The following PCDHGA3 variants were observed in gnomAD, a reference collection of about 807,000 sequenced individuals.
PCDHGA3 encodes protocadherin gamma subfamily A, 3.
Under a neutral mutation model 58.5 loss-of-function variants are expected in PCDHGA3, and 40 were observed. The observed-to-expected ratio is 0.68, with a 90% confidence interval of 0.53 to 0.89. The LOEUF (loss-of-function observed/expected upper bound fraction) is 0.89, where lower values mean the gene tolerates loss of function less well. Ranked by LOEUF, PCDHGA3 falls within the 40% of genes least tolerant of loss-of-function variation. PCDHGA3 has a pLI of 0.00. For missense variants in PCDHGA3, 1,223 were observed against 1,195.9 expected (o/e 1.02, Z -0.33); for synonymous variants, 530 against 525.7 (o/e 1.01, Z -0.11).
chr5:141,380,978 A>C (rs1244318995), intron 1 of PCDHGA3, among the ~76,000 whole-genome samples: 1 of 152,254 alleles, frequency 6.6e-6, no homozygotes, highest in Non-Finnish European at 1.5e-5. Context: ...AAACAAATAG[A>C]ATTTAACTCC....
At chr5:141,466,180 A>AT (rs922532578) in intron 1 of PCDHGA3, among the ~76,000 whole-genome samples, 11 of 151,256 alleles carry the variant, frequency 7.3e-5, no homozygotes, top group South Asian at 2.1e-4. Context: ...TTTTATTTTT[A>AT]TTTTTTTTCA....
Position 141,477,797 on chromosome 5 carries a change from A to G in PCDHGA3, c.2425-17010A>G. ...CGTGAACATATTTGTCACTGATCGC[A>G]ATGACAATGCCCCCCAGGTCCTATA... On this transcript the variant is annotated intron_variant, in intron 1 of 3. Coordinates refer to ENST00000253812, the MANE Select transcript of PCDHGA3 (RefSeq NM_018916.4). This position sits in a 1 kb window ranked among gnomAD's most constrained non-coding sequence, Gnocchi z 4.9. 1.2e-6 allele frequency: 2 copies of G among 1,614,082 alleles called. No individual in the cohort carries two copies. Among genetic ancestry groups the G allele is most frequent in the Non-Finnish European group, 1.7e-6 (2 of 1,180,032 alleles).
intron 1 of PCDHGA3, chr5:141,357,272 T>A (rs1760529630): frequency 6.2e-7 from 1 of 1,613,654 alleles, no homozygotes; most frequent in Admixed American, 1.7e-5. Context: ...GGCCTCACAC[T>A]CTATCTCGTG....
At chr5:141,403,645 A>G (rs2154534430) in intron 1 of PCDHGA3, 1 of 1,613,922 alleles carries the variant, frequency 6.2e-7, no homozygotes, top group South Asian at 1.1e-5. Flanking sequence ...TCCATGTGAC[A>G]GTGTTGGATA....
In PCDHGA3 at chr5:141,375,737, G is replaced by C. The variant is rs373966789; in HGVS notation, c.2424+29280G>C. 19 of 1,614,262 alleles carry C rather than the reference G, an allele frequency of 1.2e-5. No homozygotes were observed. In the African/African-American group the frequency reaches 2.0e-4, roughly 17 times the overall value. Reference sequence around the variant, plus strand: ...CAGCAACGTGTCACTGAGCCTGTTTGTGCTGGACCAGAATGACAATGCGCC... The same window carrying C: ...CAGCAACGTGTCACTGAGCCTGTTTCTGCTGGACCAGAATGACAATGCGCC... On this transcript the variant is annotated intron_variant, in intron 1 of 3. Coordinates refer to ENST00000253812, the MANE Select transcript of PCDHGA3 (RefSeq NM_018916.4).
Position 141,344,214 on chromosome 5 carries a change from G to C in PCDHGA3, c.181G>C (p.Glu61Gln), listed in dbSNP as rs774234664. Residue 61 changes from glutamate (E) to glutamine (Q), a missense_variant, in exon 1 of 4, where the codon GAG becomes CAG. This residue lies in a region of PCDHGA3 where 791 missense variants were observed against 708.5 expected (regional missense o/e 1.12). Coordinates refer to ENST00000253812, the MANE Select transcript of PCDHGA3 (RefSeq NM_018916.4). ...DLGLEPRELAERGVRIVSRGR... is the reference protein window; with the variant it reads ...DLGLEPRELAQRGVRIVSRGR... ...GGGGCTAGAGCCCCGGGAGCTGGCG[G>C]AGCGCGGAGTCCGCATCGTCTCCAG... The C allele has an allele frequency of 2.7e-5, 44 of 1,613,908 alleles. No homozygotes were observed. Among genetic ancestry groups the C allele is most frequent in the Middle Eastern group, 1.6e-4 (1 of 6,070 alleles).
chr5:141,372,048 G>C (rs1331862731), intron 1 of PCDHGA3: 1 of 1,613,392 alleles, frequency 6.2e-7, no homozygotes, highest in African/African-American at 1.3e-5. Flanking sequence ...GCGCGTGTTG[G>C]TGGACGACCG....
Position 141,345,405 on chromosome 5 carries a change from T to A in PCDHGA3, c.1372T>A (p.Ser458Thr). 1 of 1,613,986 alleles carries A rather than the reference T, an allele frequency of 6.2e-7. No homozygotes were observed. Among genetic ancestry groups the A allele is most frequent in the Non-Finnish European group, 8.5e-7 (1 of 1,179,990 alleles). Residue 458 changes from serine to threonine, a missense_variant, in exon 1 of 4, where the codon TCC becomes ACC. By Grantham distance (58) the Ser-to-Thr change is moderately conservative (BLOSUM62 1). Transcript: ENST00000253812. ...NPPTFPHLSY[S>T]AYIPENNPRG... Reference sequence around the variant, plus strand: ...ACCCACCTTCCCTCATTTATCCTACTCCGCCTACATTCCAGAAAACAACCC... The same window carrying A: ...ACCCACCTTCCCTCATTTATCCTACACCGCCTACATTCCAGAAAACAACCC...
At position 141,502,665 on chromosome 5, in the gene PCDHGA3, A is replaced by G. The variant is rs192555506; in HGVS notation, c.2484-2728A>G. The stretch of plus-strand genomic sequence containing the variant: ...GAGATAGGCAGCAACCCTTCATGCA[A>G]TTTTAGTATTCCCTGATGATCCTTG... On this transcript the variant is annotated intron_variant, in intron 2 of 3. Transcript: ENST00000253812. 3.7e-3 allele frequency among the ~76,000 whole-genome samples: 568 copies of G among 152,330 alleles called. 1 individual carries two copies. Among genetic ancestry groups the G allele is most frequent in the African/African-American group, 0.013 (544 of 41,584 alleles).
intron 1 of PCDHGA3, chr5:141,410,848 T>TA: frequency 1.9e-5 from 7 of 365,918 alleles, no homozygotes; most frequent in Non-Finnish European, 3.2e-5. Context: ...TTTGTCTTTG[T>TA]CTTTTTTTTT....
At position 141,491,660 on chromosome 5, in the gene PCDHGA3, C is replaced by A; in HGVS notation, c.2425-3147C>A. ...ACAGCTCTGGCGCTGGAGCCTGACGCCATCCGGTCCCGCTCTAATACGCTG... is the reference window on the plus strand; with the variant it reads ...ACAGCTCTGGCGCTGGAGCCTGACGACATCCGGTCCCGCTCTAATACGCTG... On this transcript the variant is annotated intron_variant, in intron 1 of 3. Transcript: ENST00000253812. The surrounding 1 kb of genome is among the most constrained non-coding windows in gnomAD (Gnocchi z 6.9). The A allele has an allele frequency of 6.2e-7, 1 of 1,613,810 alleles. No individual in the cohort carries two copies. The highest frequency in any genetic ancestry group is 8.5e-7 in the Non-Finnish European group (1 of 1,180,008).
intron 1 of PCDHGA3, chr5:141,404,928 C>G: frequency 2.5e-6 from 4 of 1,613,866 alleles, no homozygotes; most frequent in Non-Finnish European, 3.4e-6. Context: ...GCCACTGTCA[C>G]GCTCACAGTA....
At chr5:141,348,176 T>C (rs1489672747) in intron 1 of PCDHGA3, among the ~76,000 whole-genome samples, 1 of 152,218 alleles carries the variant, frequency 6.6e-6, no homozygotes, top group Non-Finnish European at 1.5e-5. Context: ...ATATGTTTTA[T>C]TAGAACTCAA....
intron 1 of PCDHGA3, chr5:141,378,729 T>A (rs769149282): frequency 6.6e-6 from 1 of 152,216 alleles, no homozygotes; most frequent in East Asian, 1.9e-4. Flanking sequence ...GAACTCTTTA[T>A]TGAAATATTT....
At chr5:141,498,980 GGAAGGAA>G in intron 2 of PCDHGA3, among the ~76,000 whole-genome samples, 1 of 44,970 alleles carries the variant, frequency 2.2e-5, no homozygotes, top group South Asian at 1.0e-3. Context: ...AGGGAAGGAA[GGAAGGAA>G]GGAAGGAAGG....
intron 1 of PCDHGA3, among the ~76,000 whole-genome samples, chr5:141,347,044 TC>T (rs1561493112): frequency 1.1e-4 from 17 of 150,478 alleles, no homozygotes; most frequent in Admixed American, 1.1e-3. Context: ...CCTTCCTCTC[TC>T]TCTTTCCTCC....
chr5:141,419,644 CG>C (rs1418985518), intron 1 of PCDHGA3: 2 of 1,612,396 alleles, frequency 1.2e-6, no homozygotes, highest in Non-Finnish European at 1.7e-6. Flanking sequence ...TGGCCGTGGA[CG>C]CGGACTCGGG....
intron 2 of PCDHGA3, among the ~76,000 whole-genome samples, chr5:141,501,109 C>T (rs909874167): frequency 2.0e-5 from 3 of 152,106 alleles, no homozygotes; most frequent in South Asian, 2.1e-4. Context: ...CCTCGTGATC[C>T]GCCTGCCTCA....
chr5:141,480,152 C>G (rs2099513323), intron 1 of PCDHGA3, among the ~76,000 whole-genome samples: 1 of 151,928 alleles, frequency 6.6e-6, no homozygotes, highest in African/African-American at 2.4e-5. Context: ...TAGCCAGCTC[C>G]TAGCATTTTG....
Sources: gnomAD v4.1 joint callset for allele counts (sites outside exome capture counted in the v4.1 genomes callset) on GRCh38, gnomAD v4.1.1 for gene constraint, gnomAD v4.1.1 regional missense constraint, Gnocchi (gnomAD v3.1) non-coding constraint, MANE v1.5 for transcripts, NCBI Gene and HGNC (gene_info 2026-07-23, HGNC 2026-07-21) for gene names.